Variants in OPCML observed in about 807,000 individuals in gnomAD.
The protein encoded by OPCML is opioid binding protein/cell adhesion molecule like.
A neutral mutation model predicts 37.8 loss-of-function variants in OPCML; 13 were observed. The ratio of observed to expected loss-of-function variants is 0.34; its 90% CI spans 0.22 to 0.55. The LOEUF (loss-of-function observed/expected upper bound fraction) is 0.55, where lower values mean the gene tolerates loss of function less well. Ranked by LOEUF, OPCML falls within the 20% of genes least tolerant of loss-of-function variation. OPCML has a pLI of 0.91. For synonymous variants in OPCML, 176 were observed against 168.8 expected, an observed-to-expected ratio of 1.04 and a Z score of -0.33; for missense variants, 341 against 435.6, an observed-to-expected ratio of 0.78 and a Z score of 1.93.
chr11:132,701,018 T>G (rs1332900449), intron 2 of OPCML, among the ~76,000 whole-genome samples: 2 of 152,204 alleles, frequency 1.3e-5, no homozygotes, highest in Non-Finnish European at 2.9e-5. Context: ...TGAACTGAAC[T>G]CTTTATTGTC....
At chr11:133,452,471 A>G (rs1946599198) in intron 1 of OPCML, among the ~76,000 whole-genome samples, 1 of 151,414 alleles carries the variant, frequency 6.6e-6, no homozygotes, top group African/African-American at 2.5e-5. Flanking sequence ...TTTATATAGT[A>G]TGATAGCAGA....
intron 4 of OPCML, among the ~76,000 whole-genome samples, chr11:132,489,782 C>T (rs991501361): frequency 2.0e-5 from 3 of 152,110 alleles, no homozygotes; most frequent in African/African-American, 7.2e-5. Flanking sequence ...ATCCACCAAT[C>T]ATCTAGGTTT....
At chr11:132,539,418 G>A (rs2096349756) in intron 3 of OPCML, among the ~76,000 whole-genome samples, 1 of 152,222 alleles carries the variant, frequency 6.6e-6, no homozygotes. Context: ...AGCGCAGGTA[G>A]AGCCCAGAAC....
At chr11:132,836,676 G>A (rs1291127472) in intron 2 of OPCML, among the ~76,000 whole-genome samples, 1 of 152,060 alleles carries the variant, frequency 6.6e-6, no homozygotes, top group Non-Finnish European at 1.5e-5. Flanking sequence ...TATTAATACA[G>A]ACATCAAAGG....
intron 4 of OPCML, among the ~76,000 whole-genome samples, chr11:132,452,497 A>ACTTCCTTCCTTCCTTC (rs575180796): frequency 0.032 from 3,068 of 96,746 alleles, 119 homozygotes; most frequent in East Asian, 0.21. Flanking sequence ...TCCCTTCCTC[A>ACTTCCTTCCTTCCTTC]CTTCCTTCCT....
chr11:133,359,800 G>A (rs987867751), intron 1 of OPCML, among the ~76,000 whole-genome samples: 9 of 152,170 alleles, frequency 5.9e-5, no homozygotes, highest in Admixed American at 5.2e-4. Flanking sequence ...TCGGTATTTA[G>A]CGTATTAGTT....
At chr11:132,927,826 G>A (rs545973058) in intron 2 of OPCML, among the ~76,000 whole-genome samples, 1 of 152,066 alleles carries the variant, frequency 6.6e-6, no homozygotes, top group South Asian at 2.1e-4. Context: ...ACATATAGGG[G>A]GATCCAAGCT....
intron 2 of OPCML, among the ~76,000 whole-genome samples, chr11:132,701,939 A>G (rs1943842307): frequency 2.0e-5 from 3 of 151,760 alleles, no homozygotes; most frequent in Admixed American, 1.3e-4. Context: ...AATTTCAACC[A>G]CATACGAAAT....
intron 2 of OPCML, among the ~76,000 whole-genome samples, chr11:132,762,845 A>C (rs1284719170): frequency 6.6e-6 from 1 of 151,958 alleles, no homozygotes; most frequent in Non-Finnish European, 1.5e-5. Context: ...CTGGTGTTCC[A>C]CGTGCCACTG....
At chr11:133,100,393 G>C (rs1742477286) in intron 1 of OPCML, among the ~76,000 whole-genome samples, 2 of 152,110 alleles carry the variant, frequency 1.3e-5, no homozygotes, top group South Asian at 4.1e-4. Context: ...TTAATGTATA[G>C]ATTAAACACA....
At chr11:132,543,217 TA>T (rs1431023114) in intron 3 of OPCML, among the ~76,000 whole-genome samples, 1 of 152,196 alleles carries the variant, frequency 6.6e-6, no homozygotes, top group East Asian at 1.9e-4. Flanking sequence ...TTTTAAACTA[TA>T]AAATGGTATA....
intron 1 of OPCML, among the ~76,000 whole-genome samples, chr11:133,340,720 G>A (rs574043022): frequency 1.3e-4 from 19 of 150,924 alleles, no homozygotes; most frequent in East Asian, 2.0e-4. Context: ...ACTTTAGCCC[G>A]TGAATTAAGA....
At chr11:133,289,989 A>G in intron 1 of OPCML, among the ~76,000 whole-genome samples, 1 of 152,178 alleles carries the variant, frequency 6.6e-6, no homozygotes, top group Admixed American at 6.5e-5. Flanking sequence ...AAACTTGACC[A>G]TGGGCAAATC....
intron 3 of OPCML, among the ~76,000 whole-genome samples, chr11:132,539,387 A>G (rs995207857): frequency 9.9e-5 from 15 of 152,202 alleles, no homozygotes; most frequent in Admixed American, 2.0e-4. Context: ...AAAATAGTGA[A>G]TCTCAGGAAC....
At chr11:133,253,813 TCCTTC>T (rs750850537) in intron 1 of OPCML, among the ~76,000 whole-genome samples, 2 of 136,578 alleles carry the variant, frequency 1.5e-5, no homozygotes, top group African/African-American at 5.7e-5. Context: ...CCTTTTTCCC[TCCTTC>T]CCTTCCCTTC....
chr11:132,557,942 A>C (rs932349061), intron 3 of OPCML, among the ~76,000 whole-genome samples: 1 of 152,154 alleles, frequency 6.6e-6, no homozygotes, highest in African/African-American at 2.4e-5. Flanking sequence ...TTTTGAAAAA[A>C]CAATGTCTTC....
At chr11:133,050,825 A>G (rs557549993) in intron 1 of OPCML, among the ~76,000 whole-genome samples, 1 of 151,774 alleles carries the variant, frequency 6.6e-6, no homozygotes, top group East Asian at 1.9e-4. Flanking sequence ...AAATCAATCT[A>G]TTGGGGAAAT....
At chr11:132,422,687 G>A (rs2095963861) in intron 7 of OPCML, among the ~76,000 whole-genome samples, 1 of 152,200 alleles carries the variant, frequency 6.6e-6, no homozygotes, top group African/African-American at 2.4e-5. Flanking sequence ...TTGTAAACAG[G>A]AAAACTGGGA....
chr11:132,532,652 G>T (rs74710136), intron 3 of OPCML, among the ~76,000 whole-genome samples: 1,940 of 152,072 alleles, frequency 0.013, 41 homozygotes, highest in African/African-American at 0.039. Flanking sequence ...ATCCAGAAGC[G>T]TTCATGCATT....
Sources: gnomAD v4.1 joint callset for allele counts (sites outside exome capture counted in the v4.1 genomes callset) on GRCh38, gnomAD v4.1.1 for gene constraint, MANE v1.5 for transcripts, NCBI Gene and HGNC (gene_info 2026-07-23, HGNC 2026-07-21) for gene names.